BABAM2: variants seen among roughly 807,000 people sequenced by gnomAD.
The protein encoded by BABAM2 is BRISC and BRCA1 A complex member 2, also known as BRISC and BRCA1-A complex member 2.
A neutral mutation model predicts 54.7 loss-of-function variants in BABAM2; 31 were observed. That is an observed-to-expected ratio of 0.57 (90% CI 0.43 to 0.77). BABAM2 has a LOEUF of 0.77. Ranked by LOEUF, BABAM2 falls within the 30% of genes least tolerant of loss-of-function variation. The pLI is 0.00. For missense variants in BABAM2, 364 were observed against 455.8 expected (o/e 0.80, Z 1.83); for synonymous variants, 167 against 162.9 (o/e 1.03, Z -0.19).
chr2:27,974,141 A>G (rs540647705), intron 3 of BABAM2, among the ~76,000 whole-genome samples: 57 of 152,356 alleles, frequency 3.7e-4, no homozygotes, highest in African/African-American at 1.4e-3. Flanking sequence ...CACCAATTTT[A>G]TGCAGTATCA....
chr2:28,118,670 T>C (rs1011991098), intron 6 of BABAM2, among the ~76,000 whole-genome samples: 5 of 152,024 alleles, frequency 3.3e-5, no homozygotes, highest in African/African-American at 1.2e-4. Flanking sequence ...ATTCTGTAGG[T>C]TGCCTGTTCA....
At chr2:28,221,250 C>T (rs1192382633) in intron 7 of BABAM2, among the ~76,000 whole-genome samples, 1 of 152,144 alleles carries the variant, frequency 6.6e-6, no homozygotes, top group African/African-American at 2.4e-5. Context: ...CATCCGGTGC[C>T]ACATCCTTCT....
At chr2:27,890,245 C>A, upstream of BABAM2, 1 of 1,612,542 alleles carries the variant, frequency 6.2e-7, no homozygotes, top group Non-Finnish European at 8.5e-7. The surrounding 1 kb of genome is among the most constrained non-coding windows in gnomAD (Gnocchi z 4.8). Flanking sequence ...GAGTAACTGG[C>A]CCCGGACTAA....
intron 6 of BABAM2, among the ~76,000 whole-genome samples, chr2:28,086,596 G>C (rs1379653475): frequency 6.6e-6 from 1 of 152,176 alleles, no homozygotes. Context: ...GAAGGAAGGA[G>C]AATATTGAAA....
intron 4 of BABAM2, among the ~76,000 whole-genome samples, chr2:28,003,724 G>T (rs1298214247): frequency 6.6e-6 from 1 of 152,150 alleles, no homozygotes; most frequent in Admixed American, 6.5e-5. Flanking sequence ...GATTATGCAG[G>T]ATCTATGTAT....
At chr2:27,934,226 T>G (rs1220578967) in intron 3 of BABAM2, among the ~76,000 whole-genome samples, 2 of 152,182 alleles carry the variant, frequency 1.3e-5, no homozygotes, top group Non-Finnish European at 1.5e-5. Context: ...TTTTTAAACT[T>G]AAAAATTTTT....
At chr2:27,981,480 A>G (rs1399068517) in intron 3 of BABAM2, among the ~76,000 whole-genome samples, 1 of 152,170 alleles carries the variant, frequency 6.6e-6, no homozygotes, top group Non-Finnish European at 1.5e-5. Flanking sequence ...CACAAAAAGA[A>G]AGCTTGTACC....
intron 2 of BABAM2, among the ~76,000 whole-genome samples, chr2:27,926,300 A>G (rs1667703478): frequency 6.6e-6 from 1 of 151,230 alleles, no homozygotes; most frequent in African/African-American, 2.4e-5. Flanking sequence ...TCCCTCATTT[A>G]CTGTGTCCTA....
chr2:28,108,721 T>A (rs942410185), intron 6 of BABAM2, among the ~76,000 whole-genome samples: 1 of 152,220 alleles, frequency 6.6e-6, no homozygotes, highest in African/African-American at 2.4e-5. Context: ...AGAGACACTT[T>A]TGATCTCTCT....
chr2:27,963,469 C>CAAA (rs760525051), intron 3 of BABAM2, among the ~76,000 whole-genome samples: 36 of 54,354 alleles, frequency 6.6e-4, no homozygotes, highest in East Asian at 1.8e-3. Flanking sequence ...GACTCTTTCT[C>CAAA]AAAAAAAAAA....
chr2:28,092,269 G>T (rs1258555927), intron 6 of BABAM2, among the ~76,000 whole-genome samples: 1 of 152,064 alleles, frequency 6.6e-6, no homozygotes. Flanking sequence ...AAAGGAAGAA[G>T]TACAACTGCC....
intron 7 of BABAM2, among the ~76,000 whole-genome samples, chr2:28,196,882 T>A (rs1677637717): frequency 7.5e-6 from 1 of 132,568 alleles, no homozygotes; most frequent in Admixed American, 8.5e-5. Context: ...TCTTACTCTG[T>A]CACTCAGGCT....
intron 7 of BABAM2, among the ~76,000 whole-genome samples, chr2:28,136,137 A>G (rs1224920166): frequency 6.6e-6 from 1 of 152,026 alleles, no homozygotes; most frequent in Non-Finnish European, 1.5e-5. Flanking sequence ...TATTTTTTTC[A>G]CTTCCATACC....
chr2:28,081,860 G>A (rs571544302), intron 6 of BABAM2, among the ~76,000 whole-genome samples: 1 of 152,074 alleles, frequency 6.6e-6, no homozygotes, highest in South Asian at 2.1e-4. Context: ...AAAGGCATGG[G>A]GATATGTTTT....
intron 8 of BABAM2, among the ~76,000 whole-genome samples, chr2:28,240,267 CATATCACCAT>C (rs1035268584): frequency 6.6e-6 from 1 of 151,820 alleles, no homozygotes; most frequent in African/African-American, 2.4e-5. Flanking sequence ...GCTATAGGTG[CATATCACCAT>C]ACCCAGCTAA....
intron 10 of BABAM2, among the ~76,000 whole-genome samples, chr2:28,275,212 A>G (rs1357511188): frequency 6.6e-6 from 1 of 152,224 alleles, no homozygotes; most frequent in Non-Finnish European, 1.5e-5. Context: ...GATGAAGCCA[A>G]CGGATCTGAT....
chr2:27,890,133 C>G (rs1476565287), upstream of BABAM2: 3 of 802,270 alleles, frequency 3.7e-6, no homozygotes, highest in Non-Finnish European at 5.9e-6. The surrounding 1 kb of genome is among the most constrained non-coding windows in gnomAD (Gnocchi z 4.8). Context: ...AAACCTGCAG[C>G]TCATACCCAA....
chr2:27,975,401 A>G (rs1189422834), intron 3 of BABAM2, among the ~76,000 whole-genome samples: 1 of 152,148 alleles, frequency 6.6e-6, no homozygotes, highest in Non-Finnish European at 1.5e-5. Context: ...GATCAATAGA[A>G]CAAAATAGTC....
chr2:27,934,050 G>C (rs543804828), intron 3 of BABAM2, among the ~76,000 whole-genome samples: 3 of 151,822 alleles, frequency 2.0e-5, no homozygotes, highest in Admixed American at 2.0e-4. Flanking sequence ...ATTTTATTGT[G>C]CTTCAACAAG....
Sources: allele counts gnomAD v4.1 joint callset (sites outside exome capture counted in the v4.1 genomes callset), GRCh38; gene constraint gnomAD v4.1.1; non-coding constraint Gnocchi (gnomAD v3.1); transcripts MANE v1.5; gene names NCBI Gene and HGNC (gene_info 2026-07-23, HGNC 2026-07-21).